GPHN: variants seen among roughly 807,000 people sequenced by gnomAD.
GPHN encodes the protein gephyrin.
GPHN carries 17 observed loss-of-function variants against 95.5 expected under a neutral mutation model. The ratio of observed to expected loss-of-function variants is 0.18; its 90% CI spans 0.12 to 0.27. The LOEUF (loss-of-function observed/expected upper bound fraction) is 0.27. GPHN is among the 10% of genes least tolerant of loss of function. GPHN has a pLI of 1.00. For synonymous variants in GPHN, 320 were observed against 322.5 expected (o/e 0.99, Z 0.08); for missense variants, 660 against 978.1 (o/e 0.67, Z 4.34).
the GPHN span, among the ~76,000 whole-genome samples, chr14:67,341,501 G>A: frequency 2.6e-5 from 4 of 151,780 alleles, no homozygotes; most frequent in East Asian, 2.0e-4. Context: ...CGCCCCGTCC[G>A]GGAGGGAGGT....
At chr14:67,283,872 A>G in the GPHN span, among the ~76,000 whole-genome samples, 1 of 152,220 alleles carries the variant, frequency 6.6e-6, no homozygotes. Flanking sequence ...GTAGGTTTTA[A>G]AACTTATTTC....
chr14:67,497,789 TG>T, the GPHN span, among the ~76,000 whole-genome samples: 15 of 152,030 alleles, frequency 9.9e-5, no homozygotes, highest in African/African-American at 2.4e-4. Context: ...GCACCTCTCC[TG>T]GTATTTGAGT....
chr14:67,494,031 T>G, the GPHN span, among the ~76,000 whole-genome samples: 1 of 152,008 alleles, frequency 6.6e-6, no homozygotes, highest in South Asian at 2.1e-4. Context: ...CACCATGCAC[T>G]CAGCTGGACA....
chr14:66,924,301 A>G lies in GPHN; in HGVS notation c.828+9A>G. 1 of 1,491,262 alleles carries G rather than the reference A, an allele frequency of 6.7e-7. No homozygotes were observed. The highest frequency in any genetic ancestry group is 9.4e-7 in the Non-Finnish European group (1 of 1,067,936). 92.4% of individuals were successfully genotyped at this position (1,491,262 alleles called of 1,614,324 possible). ...ATTCAACAGATGAACGGGTAAGACA[A>G]GAGGCTTTTGCATTAATGGTTTTCC... On this transcript the variant is annotated intron_variant, in intron 8 of 22. Transcript: ENST00000478722.
At chr14:67,694,876 G>C in the GPHN span, among the ~76,000 whole-genome samples, 40 of 152,158 alleles carry the variant, frequency 2.6e-4, no homozygotes, top group Admixed American at 2.0e-3. Flanking sequence ...TCAGTCACTG[G>C]TCCGTCACCA....
the GPHN span, among the ~76,000 whole-genome samples, chr14:67,262,761 C>G: frequency 6.6e-6 from 1 of 152,158 alleles, no homozygotes; most frequent in African/African-American, 2.4e-5. Flanking sequence ...AGAGTCAACT[C>G]TGTCTTTATC....
chr14:67,573,296 C>A, the GPHN span: 3 of 1,612,802 alleles, frequency 1.9e-6, no homozygotes, highest in Non-Finnish European at 2.5e-6. This position sits in a 1 kb window ranked among gnomAD's most constrained non-coding sequence, Gnocchi z 4.8. Context: ...AGAAGTCGGG[C>A]TACCTGCTGA....
rs532751935 is a variant in GPHN, at chr14:67,018,171, G to A, written c.964-5462G>A. ...ATATTAGAATTTCAAATAAGATGCC[G>A]TAAGAATCTAGGCAAATCTAAACCT... On this transcript the variant is annotated intron_variant, in intron 9 of 22. Transcript: ENST00000478722. Among the ~76,000 whole-genome samples, 8 of 152,102 alleles carry A rather than the reference G, an allele frequency of 5.3e-5. No homozygotes were observed. The South Asian group carries it at 8.3e-4, about 16-fold the overall frequency.
chr14:66,675,301 C>T (rs566767542), intron 1 of GPHN, among the ~76,000 whole-genome samples: 4 of 152,006 alleles, frequency 2.6e-5, no homozygotes, highest in Non-Finnish European at 4.4e-5. Context: ...CGTACCACCA[C>T]GCCCGGCTAA....
chr14:66,670,689 A>G (rs1296512115), intron 1 of GPHN, among the ~76,000 whole-genome samples: 1 of 152,124 alleles, frequency 6.6e-6, no homozygotes, highest in Non-Finnish European at 1.5e-5. Context: ...CTACTTGGGA[A>G]GCTGAGGGAG....
chr14:66,798,002 A>G (rs1207815316), intron 3 of GPHN, among the ~76,000 whole-genome samples: 1 of 151,916 alleles, frequency 6.6e-6, no homozygotes, highest in Non-Finnish European at 1.5e-5. Flanking sequence ...TATTCAGTCT[A>G]TCCTCAGTTT....
chr14:67,462,582 A>G, the GPHN span, among the ~76,000 whole-genome samples: 8 of 152,180 alleles, frequency 5.3e-5, no homozygotes, highest in Non-Finnish European at 1.2e-4. Flanking sequence ...GAGCTCAGGC[A>G]ATCCTCCCAC....
At chr14:67,500,793 G>A in the GPHN span, among the ~76,000 whole-genome samples, 2 of 151,596 alleles carry the variant, frequency 1.3e-5, no homozygotes, top group Non-Finnish European at 2.9e-5. Context: ...GGATGGTCTC[G>A]ATCTCCTGAA....
intron 11 of GPHN, among the ~76,000 whole-genome samples, chr14:67,082,195 G>A (rs1172865568): frequency 1.3e-5 from 2 of 152,136 alleles, no homozygotes; most frequent in African/African-American, 4.8e-5. Context: ...TTGGCAGTGT[G>A]GTCATTTTCA....
chr14:67,302,167 G>C, the GPHN span: 12 of 1,527,638 alleles, frequency 7.9e-6, no homozygotes, highest in Non-Finnish European at 1.1e-5. Flanking sequence ...TTCTGCTGTT[G>C]TGTGCTTCAA....
chr14:67,397,515 T>C, the GPHN span: 29 of 629,860 alleles, frequency 4.6e-5, no homozygotes, highest in Non-Finnish European at 7.6e-5. Flanking sequence ...CTCACATACC[T>C]GGTATGTGGC....
At chr14:67,288,182 C>G in the GPHN span, among the ~76,000 whole-genome samples, 3 of 152,232 alleles carry the variant, frequency 2.0e-5, no homozygotes, top group East Asian at 5.8e-4. Context: ...GAGGTTCAAG[C>G]GATTCTCCTG....
intron 5 of GPHN, among the ~76,000 whole-genome samples, chr14:66,893,962 C>A (rs1355389186): frequency 1.3e-5 from 2 of 152,080 alleles, no homozygotes; most frequent in African/African-American, 4.8e-5. Context: ...AGATTTAATG[C>A]CATCCCCATC....
intron 4 of GPHN, among the ~76,000 whole-genome samples, chr14:66,830,851 A>C (rs888483507): frequency 3.4e-4 from 52 of 152,036 alleles, no homozygotes; most frequent in African/African-American, 1.2e-3. Flanking sequence ...TTTTCATGAA[A>C]ATGTCAGTTT....
Sources: allele counts gnomAD v4.1 joint callset (sites outside exome capture counted in the v4.1 genomes callset), GRCh38; gene constraint gnomAD v4.1.1; non-coding constraint Gnocchi (gnomAD v3.1); transcripts MANE v1.5; gene names NCBI Gene and HGNC (gene_info 2026-07-23, HGNC 2026-07-21).